Variants in LPIN2 observed in about 807,000 individuals in gnomAD.
The protein encoded by LPIN2 is lipin 2.
A neutral mutation model predicts 111.4 loss-of-function variants in LPIN2; 55 were observed. That is an observed-to-expected ratio of 0.49 (90% CI 0.40 to 0.62). The LOEUF is 0.62. Ranked by LOEUF, LPIN2 falls within the 20% of genes least tolerant of loss-of-function variation. The pLI, the probability that LPIN2 is intolerant of heterozygous loss-of-function variation, is 0.00. For synonymous variants in LPIN2, 425 were observed against 414.0 expected, an observed-to-expected ratio of 1.03 and a Z score of -0.32; for missense variants, 992 against 1,112.1, an observed-to-expected ratio of 0.89 and a Z score of 1.54.
At chr18:2,961,063 G>A (rs1011874319) in intron 1 of LPIN2, among the ~76,000 whole-genome samples, 1 of 151,824 alleles carries the variant, frequency 6.6e-6, no homozygotes, top group Admixed American at 6.6e-5. Context: ...TTGTATCTGA[G>A]AGGCTGCTCC....
intron 12 of LPIN2, among the ~76,000 whole-genome samples, chr18:2,927,189 G>C (rs946661707): frequency 5.9e-5 from 9 of 152,202 alleles, no homozygotes; most frequent in Non-Finnish European, 1.3e-4. Flanking sequence ...GTTCAGGCAA[G>C]ACTTCCCTTC....
chr18:2,917,359 G>A lies in LPIN2; in HGVS notation c.*2934C>T, dbSNP rs7980. 77,464 of 151,028 alleles carry A rather than the reference G, an allele frequency of 0.51. 21,305 individuals carry two copies. The highest frequency in any genetic ancestry group is 0.78 in the East Asian group (4,040 of 5,176). 9.4% of individuals were successfully genotyped at this position (151,028 alleles called of 1,614,324 possible). A position where few individuals can be genotyped will look rare whatever the true frequency, so the allele number is the denominator to read the frequency against. On this transcript the variant is annotated 3_prime_UTR_variant, in exon 20 of 20. Transcript: ENST00000677752. ...AAGCTCTACAACACGGGAAAACATC[G>A]AAATTCCCCGGAAGTCTGTTTTTGC... is the stretch of plus-strand genomic sequence containing the variant.
At chr18:2,922,311 GT>G in intron 16 of LPIN2, 112 bp from the exon 17 acceptor site, 1 of 1,271,896 alleles carries the variant, frequency 7.9e-7, no homozygotes, top group Non-Finnish European at 1.1e-6. Flanking sequence ...GTCTCACTCT[GT>G]TACCCAGGCT....
intron 8 of LPIN2, among the ~76,000 whole-genome samples, chr18:2,931,732 C>T (rs1385821863): frequency 6.6e-6 from 1 of 152,096 alleles, no homozygotes; most frequent in African/African-American, 2.4e-5. Flanking sequence ...TGTGGCCTTT[C>T]TGATTTTTAA....
At chr18:3,010,537 G>A (rs2078585708) in intron 1 of LPIN2, among the ~76,000 whole-genome samples, 1 of 152,122 alleles carries the variant, frequency 6.6e-6, no homozygotes, top group Admixed American at 6.5e-5. Flanking sequence ...TTAAAATGAA[G>A]ATTCCAAACC....
chr18:2,955,435 T>C (rs1238649195), intron 2 of LPIN2, among the ~76,000 whole-genome samples: 1 of 151,924 alleles, frequency 6.6e-6, no homozygotes, highest in Non-Finnish European at 1.5e-5. Flanking sequence ...TTGGATCTTG[T>C]CAACTCAGCA....
In LPIN2 at chr18:3,012,928, C is replaced by A. The variant is rs576443297; in HGVS notation, c.-10+159G>T. Among the ~76,000 whole-genome samples the A allele has an allele frequency of 4.0e-5, 6 of 151,376 alleles. No individual in the cohort carries two copies. In the South Asian group the frequency reaches 6.2e-4, roughly 16 times the overall value. ...GACGCGAGGACCGGGAAGCGGGGAC[C>A]GCGGCGCGAGGAGGGGCGGCTCAAC... On this transcript the variant is annotated intron_variant, in intron 1 of 19. Transcript: ENST00000677752.
chr18:2,960,022 T>C (rs1003268172), intron 2 of LPIN2, among the ~76,000 whole-genome samples: 6 of 151,500 alleles, frequency 4.0e-5, no homozygotes, highest in African/African-American at 1.5e-4. Context: ...TACAAAAAAT[T>C]AGGGGGGCAT....
At chr18:2,977,259 TAAAATG>T (rs2078035451) in intron 1 of LPIN2, 1 of 151,208 alleles carries the variant, frequency 6.6e-6, no homozygotes, top group African/African-American at 2.4e-5. Flanking sequence ...GAGAGGAAGC[TAAAATG>T]AACCCTGTGG....
chr18:2,952,877 CAG>C (rs1282129674), intron 3 of LPIN2, among the ~76,000 whole-genome samples: 3 of 152,104 alleles, frequency 2.0e-5, no homozygotes, highest in Non-Finnish European at 4.4e-5. Context: ...ATTAAAAGCA[CAG>C]AGTTAGGTTT....
chr18:2,943,746 T>C (rs2077401633), intron 4 of LPIN2, among the ~76,000 whole-genome samples: 1 of 152,216 alleles, frequency 6.6e-6, no homozygotes, highest in South Asian at 2.1e-4. Flanking sequence ...ATGTACTCCA[T>C]GTGGGTCCAA....
chr18:2,938,240 C>T lies in LPIN2; in HGVS notation c.823-203G>A, dbSNP rs9962809. On this transcript the variant is annotated intron_variant, in intron 6 of 19. Transcript: ENST00000677752. ...CAATATCATGATACTTATAAATGTT[C>T]TGGCCGGGCACAGTGGCTCACGCCT... Among the ~76,000 whole-genome samples, 5,771 of 152,120 alleles carry T rather than the reference C, an allele frequency of 0.038. 206 individuals are homozygous for T. Among genetic ancestry groups the T allele is most frequent in the East Asian group, 0.11 (550 of 5,164 alleles).
intron 5 of LPIN2, 84 bp from the exon 6 acceptor site, chr18:2,939,687 A>G: frequency 6.8e-7 from 1 of 1,463,310 alleles, no homozygotes; most frequent in Non-Finnish European, 9.4e-7. Context: ...AAAGAAACAA[A>G]TCTGAATATC....
chr18:2,951,578 A>C (rs967162248), intron 3 of LPIN2, among the ~76,000 whole-genome samples: 3 of 152,206 alleles, frequency 2.0e-5, no homozygotes, highest in African/African-American at 7.2e-5. Flanking sequence ...GGTACATGTA[A>C]CTGAGTCCAT....
At chr18:2,920,987 A>G in intron 18 of LPIN2, 106 bp from the exon 19 acceptor site, 2 of 804,004 alleles carry the variant, frequency 2.5e-6, no homozygotes, top group Non-Finnish European at 4.4e-6. Context: ...CTCGACAGAA[A>G]ACATGCGGAG....
intron 4 of LPIN2, among the ~76,000 whole-genome samples, chr18:2,949,917 A>G (rs1347026000): frequency 1.3e-5 from 2 of 152,094 alleles, no homozygotes; most frequent in Non-Finnish European, 2.9e-5. Flanking sequence ...TGGGCAACAT[A>G]GCAAGACCTC....
intron 14 of LPIN2, 130 bp from the exon 15 acceptor site, chr18:2,924,676 A>C: frequency 1.1e-6 from 1 of 909,524 alleles, no homozygotes; most frequent in East Asian, 2.6e-5. Flanking sequence ...TCTTAGACAC[A>C]GCCCACCCTG....
At position 2,951,320 on chromosome 18, in the gene LPIN2, G is replaced by A. The variant is rs2077534072; in HGVS notation, c.325C>T (p.Pro109Ser). ...TCTTTAAAGAACTGATCTTCAGTAGGAATTGGTGAGGTGGCAAGGTAAGCA... is the reference window on the plus strand; with the variant it reads ...TCTTTAAAGAACTGATCTTCAGTAGAAATTGGTGAGGTGGCAAGGTAAGCA... ...LPAYLATSPI[P>S]TEDQFFKDID... Residue 109 changes from proline to serine, a missense_variant, in exon 4 of 20, where the codon CCT (proline) becomes TCT (serine). By Grantham distance (74) the Pro-to-Ser change is moderately conservative. This residue lies in a region of LPIN2 where 709 missense variants were observed against 753.2 expected (regional missense o/e 0.94). Transcript: ENST00000677752. The A allele has an allele frequency of 1.2e-6, 2 of 1,614,120 alleles. No homozygotes were observed. The highest frequency in any genetic ancestry group is 1.1e-5 in the South Asian group (1 of 91,064).
At chr18:2,994,424 G>A (rs928318765) in intron 1 of LPIN2, among the ~76,000 whole-genome samples, 1 of 152,220 alleles carries the variant, frequency 6.6e-6, no homozygotes, top group African/African-American at 2.4e-5. Flanking sequence ...CTTCTGCAGG[G>A]CCACTGGTGG....
Sources: gnomAD v4.1 joint callset for allele counts (sites outside exome capture counted in the v4.1 genomes callset) on GRCh38, gnomAD v4.1.1 for gene constraint, gnomAD v4.1.1 regional missense constraint, MANE v1.5 for transcripts, NCBI Gene and HGNC (gene_info 2026-07-23, HGNC 2026-07-21) for gene names.